The following ERVMER34-1 variants were observed in gnomAD, a reference collection of about 807,000 sequenced individuals.
The protein encoded by ERVMER34-1 is endogenous retroviral envelope protein HEMO.
For missense variants in ERVMER34-1, 471 were observed against 295.1 expected (o/e 1.60, Z -4.37); for synonymous variants, 199 against 111.7 (o/e 1.78, Z -4.93).
Position 52,742,916 on chromosome 4 carries a change from C to CA in ERVMER34-1, c.*912dup, listed in dbSNP as rs397966967. The CA allele has an allele frequency of 0.24, 23,736 of 100,786 alleles. 2,024 individuals are homozygous for CA. Among genetic ancestry groups the CA allele is most frequent in the Middle Eastern group, 0.26 (46 of 180 alleles). 6.2% of individuals were successfully genotyped at this position (100,786 alleles called of 1,614,324 possible). A position where few individuals can be genotyped will look rare whatever the true frequency, so the allele number is the denominator to read the frequency against. On this transcript the variant is annotated 3_prime_UTR_variant, in exon 3 of 3. Transcript: ENST00000443173. ...TGGGTGAAAGGGCCAGACTCTGCCTCAAAAAAAAAAAAAAAAGAGTAACAT... is the reference window on the plus strand; with the variant it reads ...TGGGTGAAAGGGCCAGACTCTGCCTCAAAAAAAAAAAAAAAAAGAGTAACAT...
In ERVMER34-1 at chr4:52,743,791, A is replaced by G; in HGVS notation, c.*38T>C. ...TGCTTTACTCATCAAAGTTTAGCTA[A>G]GGCTTTTTGTCTGCAGCTGCTGTTT... On this transcript the variant is annotated 3_prime_UTR_variant, in exon 3 of 3. Transcript: ENST00000443173. 1.4e-6 allele frequency: 2 copies of G among 1,447,922 alleles called. No homozygotes were observed. The highest frequency in any genetic ancestry group is 1.8e-6 in the Non-Finnish European group (2 of 1,106,338). 89.7% of individuals were successfully genotyped at this position (1,447,922 alleles called of 1,614,324 possible). A position where few individuals can be genotyped will look rare whatever the true frequency, so the allele number is the denominator to read the frequency against.
chr4:52,745,797 A>C lies in ERVMER34-1; in HGVS notation c.-277T>G. 2 of 424,026 alleles carry C rather than the reference A, an allele frequency of 4.7e-6. No individual in the cohort carries two copies. Among genetic ancestry groups the C allele is most frequent in the Non-Finnish European group, 4.2e-6 (1 of 236,980 alleles). 26.3% of individuals were successfully genotyped at this position (424,026 alleles called of 1,614,324 possible). On this transcript the variant is annotated 5_prime_UTR_variant, in exon 3 of 3. Transcript: ENST00000443173. ...TTCCAGTTGTCATATAATGATCTCAATCTAGCTTCCTGTGGCTTGTACAAA... is the reference window on the plus strand; with the variant it reads ...TTCCAGTTGTCATATAATGATCTCACTCTAGCTTCCTGTGGCTTGTACAAA...
intron 2 of ERVMER34-1, among the ~76,000 whole-genome samples, chr4:52,747,432 C>T (rs1716180979): frequency 6.6e-6 from 1 of 152,130 alleles, no homozygotes; most frequent in Admixed American, 6.5e-5. Context: ...CTTAATCATC[C>T]CAGGGCCAAG....
In ERVMER34-1 at chr4:52,744,711, G is replaced by C. The variant is rs1373389721; in HGVS notation, c.810C>G (p.Asp270Glu). The C allele has an allele frequency of 4.3e-6, 3 of 704,020 alleles. No homozygotes were observed. In the African/African-American group the frequency reaches 5.2e-5, roughly 12 times the overall value. 43.6% of individuals were successfully genotyped at this position (704,020 alleles called of 1,614,324 possible). Reference sequence around the variant, plus strand: ...GGGTCCGGTGTCCATCATGACCTTTGTCATTAGTTATGCTGGCATCTGCAC... The same window carrying C: ...GGGTCCGGTGTCCATCATGACCTTTCTCATTAGTTATGCTGGCATCTGCAC... ...WRCADASITN[D>E]KGHDGHRTPT... The change falls in exon 3 of 3, where the codon GAC becomes GAG. Residue 270 changes from aspartate to glutamate, a missense_variant. Physicochemically the swap from Asp to Glu is conservative, Grantham distance 45. Transcript: ENST00000443173.
chr4:52,748,190 C>A, intron 2 of ERVMER34-1: 1 of 255,196 alleles, frequency 3.9e-6, no homozygotes, highest in Non-Finnish European at 7.7e-6. Context: ...AGTAAGTCTC[C>A]ATAAAACCCA....
In ERVMER34-1 at chr4:52,743,011, T is replaced by C. The variant is rs1015810437; in HGVS notation, c.*818A>G. ...TAATCTTTAGCAAGCTATCTACCCT[T>C]TGAGTTGATTAATCTGTAAAATATG... is the stretch of plus-strand genomic sequence containing the variant. On this transcript the variant is annotated 3_prime_UTR_variant, in exon 3 of 3. Coordinates refer to ENST00000443173, the MANE Select transcript of ERVMER34-1 (RefSeq NM_001242690.2). 2.6e-5 allele frequency: 4 copies of C among 151,818 alleles called. No homozygotes were observed. The highest frequency in any genetic ancestry group is 4.4e-5 in the Non-Finnish European group (3 of 67,964). The allele number at this position is 151,818 out of a possible 1,614,324, so 9.4% of individuals were successfully genotyped here. A position where few individuals can be genotyped will look rare whatever the true frequency, so the allele number is the denominator to read the frequency against.
In ERVMER34-1 at chr4:52,745,101, T is replaced by C. The variant is rs1361339351; in HGVS notation, c.420A>G (p.Ile140Met). The C allele has an allele frequency of 9.9e-6, 7 of 703,992 alleles. No homozygotes were observed. Among genetic ancestry groups the C allele is most frequent in the Non-Finnish European group, 1.6e-5 (6 of 385,004 alleles). 43.6% of individuals were successfully genotyped at this position (703,992 alleles called of 1,614,324 possible). A position where few individuals can be genotyped will look rare whatever the true frequency, so the allele number is the denominator to read the frequency against. ...GTATTTGATTACAGTATTGTTTAGG[T>C]ATATTACCTAGGAAGGGTCCACTGC... ...KNGSGPFLGNIPKQYCNQILW... is the reference protein window; with the variant it reads ...KNGSGPFLGNMPKQYCNQILW... Residue 140 changes from isoleucine to methionine, a missense_variant, in exon 3 of 3, where the codon ATA (isoleucine) becomes ATG (methionine). Coordinates refer to ENST00000443173, the MANE Select transcript of ERVMER34-1 (RefSeq NM_001242690.2).
At chr4:52,747,812 C>T (rs535728017) in intron 2 of ERVMER34-1, among the ~76,000 whole-genome samples, 45 of 152,288 alleles carry the variant, frequency 3.0e-4, no homozygotes, top group African/African-American at 9.1e-4. Context: ...CCAAGGCGGG[C>T]GGATCACCTG....
Position 52,744,782 on chromosome 4 carries a change from G to C in ERVMER34-1, c.739C>G (p.Leu247Val), listed in dbSNP as rs368051013. The C allele has an allele frequency of 2.4e-5, 17 of 703,994 alleles. No homozygotes were observed. Among genetic ancestry groups the C allele is most frequent in the African/African-American group, 2.3e-4 (13 of 57,246 alleles). 43.6% of individuals were successfully genotyped at this position (703,994 alleles called of 1,614,324 possible). ...KGLLYQLFRN[L>V]FCSYGLTEAH... ...TCTGTCAGGCCATAAGAGCAAAATA[G>C]GTTGCGAAATAGCTGGTACAGAAGG... The change falls in exon 3 of 3, where the codon CTA becomes GTA. Residue 247 changes from leucine (L) to valine (V), a missense_variant. Leu to Val is a conservative substitution (Grantham distance 32). Transcript: ENST00000443173.
rs1027715376 is a variant in ERVMER34-1 at position 52,743,067 on chromosome 4, T to A, written c.*762A>T. 4.0e-5 allele frequency: 6 copies of A among 151,368 alleles called. No homozygotes were observed. Among genetic ancestry groups the A allele is most frequent in the African/African-American group, 1.5e-4 (6 of 41,122 alleles). 9.4% of individuals were successfully genotyped at this position (151,368 alleles called of 1,614,324 possible). On this transcript the variant is annotated 3_prime_UTR_variant, in exon 3 of 3. Coordinates refer to ENST00000443173, the MANE Select transcript of ERVMER34-1 (RefSeq NM_001242690.2). ...CGAGAGGATTAACTAGAAAGATGCA[T>A]GTAAGGAACTCACCAGAGGACTGGG...
rs1334145575 is a variant in ERVMER34-1 at position 52,745,169 on chromosome 4, AC to A, written c.351del (p.Arg117SerfsTer11). The A allele has an allele frequency of 7.1e-6, 5 of 704,076 alleles. No individual in the cohort carries two copies. Among genetic ancestry groups the A allele is most frequent in the Non-Finnish European group, 1.0e-5 (4 of 384,990 alleles). The allele number at this position is 704,076 out of a possible 1,614,324, so 43.6% of individuals were successfully genotyped here. On this transcript the variant is annotated frameshift_variant, in exon 3 of 3. Transcript: ENST00000443173. LOFTEE classifies it low-confidence loss of function (END_TRUNC). ...EAQGLSFAQVRLLEGNFSLCV... is the reference protein window; with the variant it reads ...EAQGLSFAQVXLLEGNFSLCV... ...CAAAGAGAAAAATTTCCCTCCAATA[AC>A]CTTACTTGAGCAAAGGATAGACCTT... is the stretch of plus-strand genomic sequence containing the variant.
intron 2 of ERVMER34-1, among the ~76,000 whole-genome samples, chr4:52,748,517 A>G (rs1050372681): frequency 3.9e-5 from 6 of 152,148 alleles, no homozygotes; most frequent in Non-Finnish European, 7.4e-5. Context: ...TACTTAGGCC[A>G]TGGAATGTCT....
chr4:52,750,869 G>C (rs1716269250), intron 2 of ERVMER34-1, 61 bp downstream of exon 2: 1 of 152,358 alleles, frequency 6.6e-6, no homozygotes, highest in Non-Finnish European at 1.5e-5. Flanking sequence ...GAACCCTCCG[G>C]TCCCACTGGC....
At position 52,743,898 on chromosome 4, in the gene ERVMER34-1, A is replaced by T. The variant is rs1300662392; in HGVS notation, c.1623T>A (p.Thr541=). The T allele has an allele frequency of 1.4e-6, 2 of 1,479,710 alleles. No individual in the cohort carries two copies. The highest frequency in any genetic ancestry group is 4.0e-5 in the Admixed American group (2 of 50,424). 91.7% of individuals were successfully genotyped at this position (1,479,710 alleles called of 1,614,324 possible). A position where few individuals can be genotyped will look rare whatever the true frequency, so the allele number is the denominator to read the frequency against. Reference sequence around the variant, plus strand: ...TTGCCCTATTTGAAACTTGACATGAAGTTTCACTGACAAGGAGCTGTGCTG... The same window carrying T: ...TTGCCCTATTTGAAACTTGACATGATGTTTCACTGACAAGGAGCTGTGCTG... ...QQSAQLLVSE[T]SCQVSNRAMK... The change falls in exon 3 of 3, where the codon ACT becomes ACA. Residue 541 remains threonine (T), a synonymous_variant. Transcript: ENST00000443173.
intron 2 of ERVMER34-1, among the ~76,000 whole-genome samples, chr4:52,750,000 T>C (rs1022225678): frequency 6.6e-6 from 1 of 151,996 alleles, no homozygotes; most frequent in East Asian, 1.9e-4. Flanking sequence ...GAATTCTTCT[T>C]ATTATTATTA....
At chr4:52,750,349 T>TA (rs1415443647) in intron 2 of ERVMER34-1, among the ~76,000 whole-genome samples, 1 of 152,206 alleles carries the variant, frequency 6.6e-6, no homozygotes. Flanking sequence ...AATGGGCATA[T>TA]AATTGTTATC....
In ERVMER34-1 at chr4:52,744,316, G is replaced by C. The variant is rs1370457799; in HGVS notation, c.1205C>G (p.Thr402Ser). 2 of 704,034 alleles carry C rather than the reference G, an allele frequency of 2.8e-6. No homozygotes were observed. The highest frequency in any genetic ancestry group is 5.2e-6 in the Non-Finnish European group (2 of 385,018). The allele number at this position is 704,034 out of a possible 1,614,324, so 43.6% of individuals were successfully genotyped here. The change falls in exon 3 of 3, where the codon ACT (threonine) becomes AGT (serine). Residue 402 changes from threonine to serine, a missense_variant. Physicochemically the swap from Thr to Ser is moderately conservative, Grantham distance 58. Transcript: ENST00000443173. ...TTGGTGTGCTTCCAAGGTCTGCTTA[G>C]TGGCACTGAATTCCTGTTCCATTGC... ...SKAMEQEFSATKQTLEAHQSK... is the reference protein window; with the variant it reads ...SKAMEQEFSASKQTLEAHQSK...
In ERVMER34-1 at chr4:52,745,219, T is replaced by C. The variant is rs1247814945; in HGVS notation, c.302A>G (p.His101Arg). ...STSSYRKVTW[H>R]WEASMEAQGL... ...TTGAGCTTCCATGGAGGCTTCCCAG[T>C]GCCAAGTCACTTTACGATAGGAGGA... The change falls in exon 3 of 3, where the codon CAC becomes CGC. Residue 101 changes from histidine (H) to arginine (R), a missense_variant. Transcript: ENST00000443173. The C allele has an allele frequency of 4.3e-6, 3 of 703,970 alleles. No homozygotes were observed. The highest frequency in any genetic ancestry group is 4.0e-5 in the Admixed American group (2 of 49,986). The allele number at this position is 703,970 out of a possible 1,614,324, so 43.6% of individuals were successfully genotyped here.
At position 52,743,895 on chromosome 4, in the gene ERVMER34-1, T is replaced by A; in HGVS notation, c.1626A>T (p.Ser542=). 2 of 1,502,022 alleles carry A rather than the reference T, an allele frequency of 1.3e-6. No individual in the cohort carries two copies. Among genetic ancestry groups the A allele is most frequent in the Non-Finnish European group, 1.8e-6 (2 of 1,116,106 alleles). 93.0% of individuals were successfully genotyped at this position (1,502,022 alleles called of 1,614,324 possible). A position where few individuals can be genotyped will look rare whatever the true frequency, so the allele number is the denominator to read the frequency against. The change falls in exon 3 of 3, where the codon TCA becomes TCT. Residue 542 remains serine (S), a synonymous_variant. Transcript: ENST00000443173. ...QSAQLLVSET[S]CQVSNRAMKG... is the part of the protein sequence containing the mutation. Reference sequence around the variant, plus strand: ...TCATTGCCCTATTTGAAACTTGACATGAAGTTTCACTGACAAGGAGCTGTG... The same window carrying A: ...TCATTGCCCTATTTGAAACTTGACAAGAAGTTTCACTGACAAGGAGCTGTG...
Sources: allele counts gnomAD v4.1 joint callset (sites outside exome capture counted in the v4.1 genomes callset), GRCh38; gene constraint gnomAD v4.1.1; transcripts MANE v1.5; gene names NCBI Gene and HGNC (gene_info 2026-07-23, HGNC 2026-07-21).